PCDHA10: variants seen among roughly 807,000 people sequenced by gnomAD.
The protein encoded by PCDHA10 is protocadherin alpha 10, also known as protocadherin alpha-10.
In PCDHA10, 45 loss-of-function variants were observed where a neutral mutation model predicts 61.2. The observed-to-expected ratio is 0.74, with a 90% CI of 0.58 to 0.94. The LOEUF (loss-of-function observed/expected upper bound fraction) is 0.94. Ranked by LOEUF, PCDHA10 falls within the 40% of genes least tolerant of loss-of-function variation. PCDHA10 has a pLI of 0.00. For missense variants in PCDHA10, 1,278 were observed against 1,236.2 expected, an observed-to-expected ratio of 1.03 and a Z score of -0.51; for synonymous variants, 602 against 548.8, an observed-to-expected ratio of 1.10 and a Z score of -1.35.
chr5:140,987,789 G>T (rs1356794638), intron 3 of PCDHA10, among the ~76,000 whole-genome samples: 2 of 152,136 alleles, frequency 1.3e-5, no homozygotes, highest in African/African-American at 4.8e-5. Context: ...CTATAGAGAA[G>T]ATTTTTTTAA....
At chr5:140,884,938 G>A (rs2060412389) in intron 1 of PCDHA10, among the ~76,000 whole-genome samples, 1 of 152,106 alleles carries the variant, frequency 6.6e-6, no homozygotes, top group African/African-American at 2.4e-5. Context: ...TCTTGCAATT[G>A]AGCATTTACA....
rs997332881 is a variant in PCDHA10 at position 140,887,348 on chromosome 5, G to A, written c.2388+28912G>A. On this transcript the variant is annotated intron_variant, in intron 1 of 3. Transcript: ENST00000307360. ...CCTGACCTCGTGATCCACCTGGCTCGGCCTCCCAAAGTGCTGGGATTACAG... is the reference window on the plus strand; with the variant it reads ...CCTGACCTCGTGATCCACCTGGCTCAGCCTCCCAAAGTGCTGGGATTACAG... Among the ~76,000 whole-genome samples, 8 of 151,974 alleles carry A rather than the reference G, an allele frequency of 5.3e-5. 1 individual carries two copies. The highest frequency in any genetic ancestry group is 8.8e-5 in the Non-Finnish European group (6 of 67,980).
intron 3 of PCDHA10, among the ~76,000 whole-genome samples, chr5:141,005,659 G>T (rs963015988): frequency 1.6e-5 from 2 of 123,890 alleles, no homozygotes; most frequent in South Asian, 2.6e-4. Flanking sequence ...TCGAGATCGC[G>T]CCACTGCACT....
At chr5:140,901,405 G>A (rs1366026091) in intron 1 of PCDHA10, among the ~76,000 whole-genome samples, 1 of 152,128 alleles carries the variant, frequency 6.6e-6, no homozygotes, top group Non-Finnish European at 1.5e-5. Flanking sequence ...TGAGAGATAG[G>A]GGTCTAGTTT....
At chr5:140,877,374 A>C in intron 1 of PCDHA10, 1 of 1,613,970 alleles carries the variant, frequency 6.2e-7, no homozygotes, top group Non-Finnish European at 8.5e-7. Context: ...TCAGCACGAC[A>C]CGCATCCTGG....
chr5:140,905,019 A>C (rs1000367022), intron 1 of PCDHA10, among the ~76,000 whole-genome samples: 23 of 152,044 alleles, frequency 1.5e-4, no homozygotes, highest in African/African-American at 5.6e-4. Context: ...ATTCTTTTCT[A>C]TGCAGAAGCT....
chr5:140,869,633 A>G (rs376162708), intron 1 of PCDHA10: 3 of 1,613,612 alleles, frequency 1.9e-6, no homozygotes, highest in Non-Finnish European at 2.5e-6. Context: ...AAAAATGAGT[A>G]TTTTTCTTTA....
chr5:140,883,954 T>A (rs2059908896), intron 1 of PCDHA10: 1 of 1,612,680 alleles, frequency 6.2e-7, no homozygotes, highest in Non-Finnish European at 8.5e-7. Flanking sequence ...ACGACAACGC[T>A]CCGGCGCTGC....
At position 140,856,173 on chromosome 5, in the gene PCDHA10, C is replaced by A. The variant is rs782775861; in HGVS notation, c.125C>A (p.Thr42Asn). ...YSVYEEARHG[T>N]FVGRIAQDLG... The stretch of plus-strand genomic sequence containing the variant: ...GTCTACGAGGAGGCCAGACACGGCA[C>A]CTTCGTGGGCCGCATCGCGCAGGAC... Residue 42 changes from threonine (T) to asparagine (N), a missense_variant, in exon 1 of 4, where the codon ACC becomes AAC. By Grantham distance (65) the Thr-to-Asn change is moderately conservative. Coordinates refer to ENST00000307360, the MANE Select transcript of PCDHA10 (RefSeq NM_018901.4). The A allele has an allele frequency of 1.1e-5, 17 of 1,598,116 alleles. 1 individual carries two copies. The highest frequency in any genetic ancestry group is 3.4e-4 in the Middle Eastern group (2 of 5,954).
rs142150910 is a variant in PCDHA10, at chr5:140,945,405, C to T, written c.2389-33544C>T. ...AGCAATATACAAATTCAATACAATTCGTATCAAAATTTCAATGAAGTTTTT... is the reference window on the plus strand; with the variant it reads ...AGCAATATACAAATTCAATACAATTTGTATCAAAATTTCAATGAAGTTTTT... On this transcript the variant is annotated intron_variant, in intron 1 of 3. Transcript: ENST00000307360. Among the ~76,000 whole-genome samples, 454 of 152,016 alleles carry T rather than the reference C, an allele frequency of 3.0e-3. 3 individuals are homozygous for T. Among genetic ancestry groups the T allele is most frequent in the African/African-American group, 9.6e-3 (400 of 41,488 alleles).
intron 3 of PCDHA10, among the ~76,000 whole-genome samples, chr5:141,004,729 T>A (rs782339918): frequency 6.6e-6 from 1 of 152,144 alleles, no homozygotes; most frequent in African/African-American, 2.4e-5. Context: ...TTAAATACAT[T>A]TCTCTCTTTT....
chr5:140,866,441 G>A (rs1313181432), intron 1 of PCDHA10: 1 of 151,728 alleles, frequency 6.6e-6, no homozygotes, highest in African/African-American at 2.4e-5. Flanking sequence ...GTCTTCTTCA[G>A]TCTTATTGTT....
chr5:140,904,706 A>G (rs1554191662), intron 1 of PCDHA10, among the ~76,000 whole-genome samples: 2 of 151,982 alleles, frequency 1.3e-5, no homozygotes, highest in South Asian at 2.1e-4. Flanking sequence ...TTCCCTTTTC[A>G]CCACATTCTG....
At chr5:140,886,827 GAAAAAAA>G (rs782016620) in intron 1 of PCDHA10, among the ~76,000 whole-genome samples, 7 of 60,890 alleles carry the variant, frequency 1.1e-4, no homozygotes, top group African/African-American at 4.2e-4. Context: ...ACTTCGTCTT[GAAAAAAA>G]AAAAAAAAAA....
intron 1 of PCDHA10, among the ~76,000 whole-genome samples, chr5:140,933,221 G>A (rs952837794): frequency 2.0e-5 from 3 of 151,758 alleles, no homozygotes; most frequent in Non-Finnish European, 4.4e-5. Flanking sequence ...CTGTTATATT[G>A]CATTTATGAA....
intron 1 of PCDHA10, chr5:140,862,965 C>G (rs1358517266): frequency 1.8e-6 from 1 of 543,786 alleles, no homozygotes; most frequent in Admixed American, 1.9e-5. Flanking sequence ...TCAGTGGATG[C>G]AGGCCACTTG....
At chr5:140,967,150 C>G (rs1400431511) in intron 1 of PCDHA10, 1 of 1,610,886 alleles carries the variant, frequency 6.2e-7, no homozygotes, top group African/African-American at 1.3e-5. Context: ...CGCACAACCC[C>G]GTGGCGGTGA....
chr5:140,911,745 A>G (rs573838491), intron 1 of PCDHA10, among the ~76,000 whole-genome samples: 7 of 151,408 alleles, frequency 4.6e-5, no homozygotes, highest in Non-Finnish European at 1.0e-4. Flanking sequence ...AAGGACTATC[A>G]GTGTTCTCCA....
intron 1 of PCDHA10, chr5:140,859,616 C>G (rs978716581): frequency 6.2e-6 from 1 of 162,228 alleles, no homozygotes; most frequent in Non-Finnish European, 1.3e-5. Flanking sequence ...TCTTTCCTTT[C>G]TCTTTGAGTA....
Sources: allele counts gnomAD v4.1 joint callset (sites outside exome capture counted in the v4.1 genomes callset), GRCh38; gene constraint gnomAD v4.1.1; transcripts MANE v1.5; gene names NCBI Gene and HGNC (gene_info 2026-07-23, HGNC 2026-07-21).